PRUNE1: variants seen among roughly 807,000 people sequenced by gnomAD.
The protein encoded by PRUNE1 is prune exopolyphosphatase 1, also known as exopolyphosphatase PRUNE1.
A neutral mutation model predicts 42.5 loss-of-function variants in PRUNE1; 25 were observed. That is an observed-to-expected ratio of 0.59 (90% confidence interval 0.43 to 0.82). The LOEUF is 0.82. PRUNE1 is among the 40% of genes least tolerant of loss of function. The pLI is 0.00. For synonymous variants in PRUNE1, 203 were observed against 217.1 expected, an observed-to-expected ratio of 0.93 and a Z score of 0.57; for missense variants, 443 against 539.3, an observed-to-expected ratio of 0.82 and a Z score of 1.77.
At chr1:151,033,014 TC>T (rs1169382067) in intron 7 of PRUNE1, among the ~76,000 whole-genome samples, 1 of 152,054 alleles carries the variant, frequency 6.6e-6, no homozygotes, top group African/African-American at 2.4e-5. Context: ...CCTCAGGTGA[TC>T]CGCCCACCTT....
At chr1:151,018,248 G>A in intron 2 of PRUNE1, 1 of 727,104 alleles carries the variant, frequency 1.4e-6, no homozygotes, top group East Asian at 2.5e-5. Context: ...ATTGCATCTA[G>A]AAATAGGTAT....
intron 2 of PRUNE1, 63 bp from the exon 3 acceptor site, chr1:151,018,404 T>A: frequency 7.2e-7 from 1 of 1,384,918 alleles, no homozygotes; most frequent in Non-Finnish European, 1.0e-6. Flanking sequence ...GTCCCAGTAG[T>A]CTTGTTACTT....
chr1:151,031,052 C>T (rs1390058647), intron 7 of PRUNE1, among the ~76,000 whole-genome samples: 5 of 152,230 alleles, frequency 3.3e-5, no homozygotes, highest in South Asian at 2.1e-4. Flanking sequence ...ACCTCTTCCA[C>T]GTTCCTGAAT....
At chr1:151,023,645 G>A (rs1186574812) in intron 3 of PRUNE1, among the ~76,000 whole-genome samples, 1 of 151,624 alleles carries the variant, frequency 6.6e-6, no homozygotes, top group Non-Finnish European at 1.5e-5. Context: ...TTGAACCTGG[G>A]AGGCGGAGGT....
intron 3 of PRUNE1, among the ~76,000 whole-genome samples, chr1:151,021,999 C>T (rs976912062): frequency 6.6e-6 from 1 of 150,572 alleles, no homozygotes. Flanking sequence ...GTGTCTCTCT[C>T]GCTCTGTCTC....
chr1:151,023,719 GAAA>G (rs60113699), intron 3 of PRUNE1, among the ~76,000 whole-genome samples: 1 of 111,556 alleles, frequency 9.0e-6, no homozygotes. Flanking sequence ...TTCCGTCTTA[GAAA>G]AAAAAAAAAA....
rs979046544 is a variant in PRUNE1, at chr1:151,021,104, G to A, written c.335+2435G>A. Among the ~76,000 whole-genome samples, 11 of 145,644 alleles carry A rather than the reference G, an allele frequency of 7.6e-5. No individual in the cohort carries two copies. In the East Asian group the frequency reaches 1.4e-3, roughly 19 times the overall value. ...GGAGGTTGCAGTGAGCCAAGATCGCGCCACTGCGCTCCAGTCTGAGCGACA... is the reference window on the plus strand; with the variant it reads ...GGAGGTTGCAGTGAGCCAAGATCGCACCACTGCGCTCCAGTCTGAGCGACA... On this transcript the variant is annotated intron_variant, in intron 3 of 7. Coordinates refer to ENST00000271620, the MANE Select transcript of PRUNE1 (RefSeq NM_021222.3).
rs1444483626 is a variant in PRUNE1 at position 151,027,296 on chromosome 1, T to C, written c.743T>C (p.Val248Ala). The C allele has an allele frequency of 3.7e-6, 6 of 1,610,012 alleles. 1 individual carries two copies. In the African/African-American group the frequency reaches 8.0e-5, roughly 22 times the overall value. The change falls in exon 6 of 8, where the codon GTG becomes GCG. Residue 248 changes from valine to alanine, a missense_variant. Coordinates refer to ENST00000271620, the MANE Select transcript of PRUNE1 (RefSeq NM_021222.3). ...ACTATCTATAGACAAGGCGTCAAGG[T>C]GGCCATTAGTGCAATATATATGGAT... ...QKTIYRQGVKVAISAIYMDLE... is the reference protein window; with the variant it reads ...QKTIYRQGVKAAISAIYMDLE...
intron 5 of PRUNE1, among the ~76,000 whole-genome samples, chr1:151,025,911 T>C (rs1674806902): frequency 6.6e-6 from 1 of 151,806 alleles, no homozygotes; most frequent in African/African-American, 2.4e-5. Context: ...CAGCTAATTT[T>C]GGTATTTTTA....
chr1:151,029,139 C>CTT lies in PRUNE1; in HGVS notation c.933+207_933+208dup, dbSNP rs111677543. On this transcript the variant is annotated intron_variant, in intron 7 of 7. Transcript: ENST00000271620. ...CCCATTCTCTCTCTATATGAATATC[C>CTT]TTTTTTTTTTTTTAATGAACATCCT... 2.6e-4 allele frequency among the ~76,000 whole-genome samples: 38 copies of CTT among 143,808 alleles called. 1 individual carries two copies. The highest frequency in any genetic ancestry group is 7.0e-4 in the Admixed American group (10 of 14,244). 94.3% of individuals were successfully genotyped at this position (143,808 alleles called of 152,430 possible). A position where few individuals can be genotyped will look rare whatever the true frequency, so the allele number is the denominator to read the frequency against.
At chr1:151,024,431 G>C (rs1674688090) in intron 3 of PRUNE1, among the ~76,000 whole-genome samples, 180 bp from the exon 4 acceptor site, 1 of 151,976 alleles carries the variant, frequency 6.6e-6, no homozygotes, top group African/African-American at 2.4e-5. Flanking sequence ...AGATGCAAAG[G>C]TTGCAGTGAG....
At chr1:151,027,384 T>G (rs938897016) in intron 6 of PRUNE1, 57 bp downstream of exon 6, 5 of 1,323,934 alleles carry the variant, frequency 3.8e-6, no homozygotes, top group Non-Finnish European at 5.4e-6. Context: ...ATGCATGTTA[T>G]GCATGTGGCC....
chr1:151,024,366 G>T (rs942426549), intron 3 of PRUNE1, among the ~76,000 whole-genome samples: 7 of 151,604 alleles, frequency 4.6e-5, no homozygotes, highest in African/African-American at 1.5e-4. Context: ...ATGTTGGCAG[G>T]CGCCTTTAAT....
intron 7 of PRUNE1, among the ~76,000 whole-genome samples, chr1:151,033,500 C>T (rs1283677316): frequency 6.6e-6 from 1 of 151,368 alleles, no homozygotes; most frequent in Non-Finnish European, 1.5e-5. Context: ...ACGCCATTCT[C>T]CTGCCTCAGC....
At chr1:151,033,744 G>C (rs908966658) in intron 7 of PRUNE1, 62 bp from the exon 8 acceptor site, 23 of 1,488,848 alleles carry the variant, frequency 1.5e-5, no homozygotes, top group Non-Finnish European at 1.8e-5. Context: ...CTCTCACTTA[G>C]AAGCCCAGCA....
chr1:151,016,537 T>C (rs1370717478), intron 1 of PRUNE1, among the ~76,000 whole-genome samples: 3 of 152,088 alleles, frequency 2.0e-5, no homozygotes, highest in Non-Finnish European at 4.4e-5. Context: ...GTTTCGCTCT[T>C]GTTGCCCAGG....
chr1:151,019,553 T>C (rs1380339410), intron 3 of PRUNE1, among the ~76,000 whole-genome samples: 2 of 98,362 alleles, frequency 2.0e-5, no homozygotes, highest in Non-Finnish European at 4.4e-5. Context: ...GGAGACCCTG[T>C]CTCAAAAAAA....
At chr1:151,010,135 C>A (rs1049905796) in intron 1 of PRUNE1, among the ~76,000 whole-genome samples, 1 of 152,138 alleles carries the variant, frequency 6.6e-6, no homozygotes, top group Admixed American at 6.6e-5. Flanking sequence ...CAGGGTCTCA[C>A]TCTGTTGCCC....
intron 1 of PRUNE1, among the ~76,000 whole-genome samples, chr1:151,014,035 A>T (rs959132151): frequency 6.0e-5 from 9 of 150,862 alleles, no homozygotes; most frequent in Admixed American, 1.3e-4. Context: ...GCTGGAGTGC[A>T]GTGGCACGAT....
Sources: gnomAD v4.1 joint callset for allele counts (sites outside exome capture counted in the v4.1 genomes callset) on GRCh38, gnomAD v4.1.1 for gene constraint, MANE v1.5 for transcripts, NCBI Gene and HGNC (gene_info 2026-07-23, HGNC 2026-07-21) for gene names.